The following PTPRD variants were observed in gnomAD, a reference collection of about 807,000 sequenced individuals.
PTPRD encodes the protein receptor-type tyrosine-protein phosphatase delta.
PTPRD carries 34 observed loss-of-function variants against 214.5 expected under a neutral mutation model. The ratio of observed to expected loss-of-function variants is 0.16; its 90% confidence interval spans 0.12 to 0.21. The LOEUF (loss-of-function observed/expected upper bound fraction) is 0.21, where lower values mean the gene tolerates loss of function less well. PTPRD is among the 10% of genes least tolerant of loss of function. PTPRD has a pLI of 1.00. For missense variants in PTPRD, 2,545 were observed against 2,398.7 expected (o/e 1.06, Z -1.27); for synonymous variants, 1,128 against 845.7 (o/e 1.33, Z -5.79).
At chr9:8,604,224 C>T (rs141471929) in intron 14 of PTPRD, among the ~76,000 whole-genome samples, 4 of 152,282 alleles carry the variant, frequency 2.6e-5, no homozygotes, top group African/African-American at 9.6e-5. Context: ...AAACACAATG[C>T]TTTAAGGTAT....
At chr9:8,686,385 G>A (rs750579683) in intron 12 of PTPRD, among the ~76,000 whole-genome samples, 1 of 152,114 alleles carries the variant, frequency 6.6e-6, no homozygotes, top group Non-Finnish European at 1.5e-5. Flanking sequence ...TGTGAATGTA[G>A]GCACAGAGTG....
intron 5 of PTPRD, among the ~76,000 whole-genome samples, chr9:9,862,623 A>G (rs897237842): frequency 6.6e-6 from 1 of 151,150 alleles, no homozygotes; most frequent in African/African-American, 2.4e-5. Context: ...TACTCAGAGG[A>G]GAAATGATTT....
chr9:9,703,212 G>A (rs1327647132), intron 7 of PTPRD, among the ~76,000 whole-genome samples: 1 of 152,072 alleles, frequency 6.6e-6, no homozygotes, highest in East Asian at 1.9e-4. Flanking sequence ...TCTTGTGCCT[G>A]CTTCCCTTTC....
At chr9:9,331,994 G>C (rs976841483) in intron 9 of PTPRD, among the ~76,000 whole-genome samples, 2 of 151,976 alleles carry the variant, frequency 1.3e-5, no homozygotes, top group African/African-American at 4.8e-5. Flanking sequence ...CTATCAATGG[G>C]AGGAATAAAA....
intron 11 of PTPRD, among the ~76,000 whole-genome samples, chr9:8,849,373 C>A (rs1344649940): frequency 6.6e-6 from 1 of 151,614 alleles, no homozygotes; most frequent in Non-Finnish European, 1.5e-5. Flanking sequence ...ACTACAGGCG[C>A]CCACCACCAC....
intron 5 of PTPRD, among the ~76,000 whole-genome samples, chr9:9,875,645 AAC>A (rs1419242659): frequency 6.6e-6 from 1 of 152,156 alleles, no homozygotes; most frequent in African/African-American, 2.4e-5. Flanking sequence ...TCAGTTTGGA[AAC>A]ACAGTCTGAA....
chr9:8,621,757 T>C (rs1390804423), intron 14 of PTPRD, among the ~76,000 whole-genome samples: 1 of 151,926 alleles, frequency 6.6e-6, no homozygotes, highest in African/African-American at 2.4e-5. Flanking sequence ...AGCTTGGCAA[T>C]ACCTGGAAAT....
intron 9 of PTPRD, among the ~76,000 whole-genome samples, chr9:9,357,252 T>G (rs1396505746): frequency 6.6e-6 from 1 of 151,436 alleles, no homozygotes; most frequent in African/African-American, 2.4e-5. Flanking sequence ...GTGCACTAAG[T>G]GTCTCTTTCA....
intron 39 of PTPRD, among the ~76,000 whole-genome samples, chr9:8,371,105 T>C (rs914967851): frequency 3.3e-5 from 5 of 151,972 alleles, no homozygotes; most frequent in East Asian, 1.9e-4. Context: ...ATGGAATAGA[T>C]GGTATGTGGG....
intron 10 of PTPRD, among the ~76,000 whole-genome samples, chr9:9,145,058 T>G (rs1011219520): frequency 4.6e-5 from 7 of 152,220 alleles, no homozygotes; most frequent in African/African-American, 1.7e-4. Flanking sequence ...TTGAAAATCA[T>G]AGGCCTGATA....
intron 10 of PTPRD, among the ~76,000 whole-genome samples, chr9:9,093,817 A>T (rs1263248018): frequency 6.6e-6 from 1 of 151,780 alleles, no homozygotes; most frequent in Middle Eastern, 3.2e-3. Flanking sequence ...GGAAGAAAAT[A>T]AAGAGCGGAC....
chr9:9,925,686 C>G (rs983637126), intron 5 of PTPRD, among the ~76,000 whole-genome samples: 1 of 152,060 alleles, frequency 6.6e-6, no homozygotes, highest in Non-Finnish European at 1.5e-5. Flanking sequence ...TTCCTTCTCT[C>G]ACTCATTATG....
At chr9:10,230,428 G>GTATCTAAGTATCTATC (rs2099604885) in intron 3 of PTPRD, among the ~76,000 whole-genome samples, 1 of 128,264 alleles carries the variant, frequency 7.8e-6, no homozygotes, top group Non-Finnish European at 1.7e-5. Flanking sequence ...ATGTATCTAT[G>GTATCTAAGTATCTATC]TATCTATGTA....
At chr9:8,973,043 A>C (rs150953587) in intron 11 of PTPRD, among the ~76,000 whole-genome samples, 1 of 151,978 alleles carries the variant, frequency 6.6e-6, no homozygotes, top group South Asian at 2.1e-4. Context: ...GCTGAAAGAT[A>C]TTATTGAGAA....
chr9:8,624,973 A>G (rs1278887736), intron 14 of PTPRD, among the ~76,000 whole-genome samples: 1 of 151,868 alleles, frequency 6.6e-6, no homozygotes, highest in Non-Finnish European at 1.5e-5. Context: ...TTGTATCTAC[A>G]TAACCATATC....
chr9:9,570,492 C>G (rs1043871612), intron 8 of PTPRD, among the ~76,000 whole-genome samples: 2 of 151,514 alleles, frequency 1.3e-5, no homozygotes, highest in Non-Finnish European at 3.0e-5. Flanking sequence ...CACTTACATT[C>G]AGGGACACAT....
chr9:9,445,941 T>C (rs577592905), intron 8 of PTPRD, among the ~76,000 whole-genome samples: 31 of 152,328 alleles, frequency 2.0e-4, no homozygotes, highest in African/African-American at 7.2e-4. Context: ...TGCAGAACAT[T>C]GTTTAGACAA....
At chr9:8,688,942 A>C (rs2097750217) in intron 12 of PTPRD, among the ~76,000 whole-genome samples, 1 of 152,208 alleles carries the variant, frequency 6.6e-6, no homozygotes, top group South Asian at 2.1e-4. Flanking sequence ...CCATCAACAC[A>C]CATGAATGCA....
At chr9:9,031,862 A>C (rs1590142078) in intron 10 of PTPRD, among the ~76,000 whole-genome samples, 2 of 152,154 alleles carry the variant, frequency 1.3e-5, no homozygotes, top group East Asian at 3.9e-4. Flanking sequence ...GAGCAAGGGC[A>C]GAAGGATGGT....
Sources: allele counts gnomAD v4.1 joint callset (sites outside exome capture counted in the v4.1 genomes callset), GRCh38; gene constraint gnomAD v4.1.1; transcripts MANE v1.5; gene names NCBI Gene and HGNC (gene_info 2026-07-23, HGNC 2026-07-21).